Variants in PHTF2 observed in about 807,000 individuals in gnomAD.
PHTF2 encodes putative homeodomain transcription factor 2, also known as protein PHTF2.
PHTF2 carries 60 observed loss-of-function variants against 101.2 expected under a neutral mutation model. The ratio of observed to expected loss-of-function variants is 0.59; its 90% CI spans 0.48 to 0.73. PHTF2 has a LOEUF of 0.73. Ranked by LOEUF, PHTF2 falls within the 30% of genes least tolerant of loss-of-function variation. The pLI is 0.00. For missense variants in PHTF2, 747 were observed against 908.7 expected, an observed-to-expected ratio of 0.82 and a Z score of 2.29; for synonymous variants, 311 against 307.3, an observed-to-expected ratio of 1.01 and a Z score of -0.13.
chr7:77,949,750 A>T, exon 17 of PHTF2: 1 of 1,553,486 alleles, frequency 6.4e-7, no homozygotes, highest in Non-Finnish European at 8.8e-7. Context: ...CATCTCGTTA[A>T]CACTTTTTCT....
intron 6 of PHTF2, 60 bp downstream of exon 5, chr7:77,900,840 C>G (rs957119410): frequency 1.1e-6 from 1 of 872,696 alleles, no homozygotes; most frequent in African/African-American, 1.7e-5. Flanking sequence ...AAACAGAATT[C>G]AAAATAGGTT....
chr7:77,886,507 TC>T (rs1364602897), intron 3 of PHTF2, among the ~76,000 whole-genome samples: 1 of 152,166 alleles, frequency 6.6e-6, no homozygotes, highest in East Asian at 1.9e-4. Context: ...CTTTCCCTTT[TC>T]TTCCTGTTTC....
chr7:77,809,831 C>T (rs1203283781), intron 1 of PHTF2, among the ~76,000 whole-genome samples: 1 of 152,098 alleles, frequency 6.6e-6, no homozygotes, highest in East Asian at 1.9e-4. Flanking sequence ...TGATGATAGG[C>T]AACTGGAATG....
At chr7:77,886,537 T>G (rs1007428424) in intron 3 of PHTF2, among the ~76,000 whole-genome samples, 3 of 152,110 alleles carry the variant, frequency 2.0e-5, no homozygotes, top group African/African-American at 7.2e-5. Context: ...TTTGTCTCAG[T>G]GTATAGAAAC....
Position 77,949,850 on chromosome 7 carries a change from A to G in PHTF2, c.2115+17A>G. On this transcript the variant is annotated intron_variant, in intron 17 of 19. Transcript: ENST00000416283. ...ACTGAACAGGTGAGTGTGCCTACTTATTATGCTACAAATTAATGTCTATAA... is the reference window on the plus strand; with the variant it reads ...ACTGAACAGGTGAGTGTGCCTACTTGTTATGCTACAAATTAATGTCTATAA... 7.8e-7 allele frequency: 1 copy of G among 1,288,904 alleles called. No homozygotes were observed. 79.8% of individuals were successfully genotyped at this position (1,288,904 alleles called of 1,614,324 possible).
chr7:77,868,380 G>T (rs1455306992), intron 3 of PHTF2, among the ~76,000 whole-genome samples: 5 of 134,168 alleles, frequency 3.7e-5, no homozygotes, highest in Admixed American at 8.2e-5. Flanking sequence ...TGTTGCCCAG[G>T]CTGGTCTTGA....
At chr7:77,947,504 G>A (rs1307354199) in intron 16 of PHTF2, among the ~76,000 whole-genome samples, 2 of 151,028 alleles carry the variant, frequency 1.3e-5, no homozygotes, top group African/African-American at 4.9e-5. Context: ...CAGAGGTTGC[G>A]GTGAGCCAAG....
At chr7:77,836,022 G>A (rs1795432645) in intron 1 of PHTF2, among the ~76,000 whole-genome samples, 1 of 150,302 alleles carries the variant, frequency 6.7e-6, no homozygotes, top group Non-Finnish European at 1.5e-5. Context: ...GGAGGTTGAG[G>A]CAGGAGAATC....
At chr7:77,811,239 G>A (rs1357030513) in intron 1 of PHTF2, among the ~76,000 whole-genome samples, 1 of 152,194 alleles carries the variant, frequency 6.6e-6, no homozygotes, top group Non-Finnish European at 1.5e-5. Flanking sequence ...CCACAGACAT[G>A]ATGTTGTGTA....
intron 1 of PHTF2, among the ~76,000 whole-genome samples, chr7:77,824,593 T>G (rs975606812): frequency 1.3e-5 from 2 of 152,202 alleles, no homozygotes; most frequent in African/African-American, 4.8e-5. Context: ...GCCTGGCTAA[T>G]TTTTGTATTT....
At chr7:77,935,121 C>T (rs115322466) in intron 12 of PHTF2, among the ~76,000 whole-genome samples, 17,815 of 68,768 alleles carry the variant, frequency 0.26, 1,517 homozygotes, top group African/African-American at 0.4. Flanking sequence ...AGTGTACATT[C>T]CCCCCCCCCA....
At chr7:77,949,238 T>C (rs1450763619) in intron 16 of PHTF2, among the ~76,000 whole-genome samples, 1 of 148,688 alleles carries the variant, frequency 6.7e-6, no homozygotes, top group African/African-American at 2.6e-5. Flanking sequence ...AACTTTTTCC[T>C]TTTTTTTTCC....
At chr7:77,902,689 A>C (rs902416977) in intron 7 of PHTF2, among the ~76,000 whole-genome samples, 1 of 152,064 alleles carries the variant, frequency 6.6e-6, no homozygotes, top group Non-Finnish European at 1.5e-5. Flanking sequence ...CATTTGGTTC[A>C]TGTCCTTTCA....
intron 11 of PHTF2, 40 bp downstream of exon 10, chr7:77,922,818 T>C: frequency 7.4e-7 from 1 of 1,346,150 alleles, no homozygotes; most frequent in Non-Finnish European, 1.0e-6. Flanking sequence ...ACGTATCTAT[T>C]TTATATGTTA....
intron 17 of PHTF2, among the ~76,000 whole-genome samples, chr7:77,950,278 A>G (rs1012132668): frequency 6.6e-6 from 1 of 152,224 alleles, no homozygotes. Flanking sequence ...TATTTTAGTT[A>G]GGGATAGTTT....
At chr7:77,876,603 A>T (rs1049386180) in intron 3 of PHTF2, among the ~76,000 whole-genome samples, 1 of 152,186 alleles carries the variant, frequency 6.6e-6, no homozygotes, top group Non-Finnish European at 1.5e-5. Flanking sequence ...TTAGAAGCTA[A>T]AGAAGTCAGC....
chr7:77,932,641 T>A (rs1804716395), intron 12 of PHTF2, among the ~76,000 whole-genome samples: 4 of 151,642 alleles, frequency 2.6e-5, no homozygotes, highest in African/African-American at 9.7e-5. Context: ...TGTGTGTGTG[T>A]GTGTGTGTGT....
chr7:77,801,383 C>T (rs143400625), intron 1 of PHTF2, among the ~76,000 whole-genome samples: 3,356 of 152,124 alleles, frequency 0.022, 50 homozygotes, highest in Middle Eastern at 0.068. Flanking sequence ...GTCAGGAGTT[C>T]AAGACCAGCC....
intron 1 of PHTF2, among the ~76,000 whole-genome samples, chr7:77,813,363 A>C (rs932914042): frequency 6.6e-6 from 1 of 152,218 alleles, no homozygotes; most frequent in Non-Finnish European, 1.5e-5. Context: ...TGTGCTTTAT[A>C]CTACCCGTAG....
Sources: gnomAD v4.1 joint callset for allele counts (sites outside exome capture counted in the v4.1 genomes callset) on GRCh38, gnomAD v4.1.1 for gene constraint, MANE v1.5 for transcripts, NCBI Gene and HGNC (gene_info 2026-07-23, HGNC 2026-07-21) for gene names.